PIK3C2A: variants seen among roughly 807,000 people sequenced by gnomAD.
PIK3C2A encodes phosphatidylinositol-4-phosphate 3-kinase catalytic subunit type 2 alpha, also known as phosphatidylinositol 4-phosphate 3-kinase C2 domain-containing subunit alpha.
A neutral mutation model predicts 204.5 loss-of-function variants in PIK3C2A; 97 were observed. The observed-to-expected ratio is 0.47, with a 90% CI of 0.40 to 0.56. The LOEUF (loss-of-function observed/expected upper bound fraction) is 0.56. Ranked by LOEUF, PIK3C2A falls within the 20% of genes least tolerant of loss-of-function variation. PIK3C2A has a pLI of 0.00. For synonymous variants in PIK3C2A, 653 were observed against 664.4 expected (o/e 0.98, Z 0.26); for missense variants, 1,735 against 1,969.2 (o/e 0.88, Z 2.25).
intron 11 of PIK3C2A, among the ~76,000 whole-genome samples, chr11:17,133,530 T>C (rs1849772389): frequency 6.6e-6 from 1 of 152,144 alleles, no homozygotes; most frequent in African/African-American, 2.4e-5. Flanking sequence ...AAAACTTAGG[T>C]TTGATATTTC....
At chr11:17,194,154 G>A in intron 1 of PIK3C2A, 1 of 740,496 alleles carries the variant, frequency 1.4e-6, no homozygotes. Context: ...CCCAAGCTTG[G>A]GAAGCGTGCT....
Position 17,101,699 on chromosome 11 carries a change from G to A in PIK3C2A, c.3852-265C>T, listed in dbSNP as rs1431904116. 9.9e-5 allele frequency among the ~76,000 whole-genome samples: 15 copies of A among 151,542 alleles called. No individual in the cohort carries two copies. In the South Asian group the frequency reaches 2.7e-3, roughly 27 times the overall value. On this transcript the variant is annotated intron_variant, in intron 24 of 32. Transcript: ENST00000691414. ...GCTCACTGCAAGCTCCGCCTCCTGG[G>A]TTCATGACATTCTCCTGCCTCAGCC...
intron 1 of PIK3C2A, among the ~76,000 whole-genome samples, chr11:17,171,968 T>C (rs969587043): frequency 1.3e-5 from 2 of 152,182 alleles, no homozygotes; most frequent in Non-Finnish European, 2.9e-5. Flanking sequence ...GATGGATAAA[T>C]ATGTGATTAG....
intron 1 of PIK3C2A, among the ~76,000 whole-genome samples, chr11:17,175,202 T>C (rs1487683989): frequency 6.6e-6 from 1 of 152,220 alleles, no homozygotes; most frequent in African/African-American, 2.4e-5. Flanking sequence ...ATTTTAATAG[T>C]GAGTATGGGT....
At chr11:17,097,018 A>C in intron 27 of PIK3C2A, 39 bp downstream of exon 27, 3 of 1,131,114 alleles carry the variant, frequency 2.7e-6, no homozygotes, top group Non-Finnish European at 4.0e-6. Context: ...CAACAATAAT[A>C]CATGCATGAT....
chr11:17,188,094 T>C (rs1232646098), intron 1 of PIK3C2A, among the ~76,000 whole-genome samples: 2 of 152,048 alleles, frequency 1.3e-5, no homozygotes, highest in Admixed American at 6.6e-5. Flanking sequence ...TCCTAGCACT[T>C]TGGGAGGCCG....
rs1367042255 is a variant in PIK3C2A, at chr11:17,147,623, T to C, written c.1454A>G (p.His485Arg). 16 of 1,508,550 alleles carry C rather than the reference T, an allele frequency of 1.1e-5. No homozygotes were observed. Among genetic ancestry groups the C allele is most frequent in the Non-Finnish European group, 1.4e-5 (15 of 1,083,966 alleles). 93.4% of individuals were successfully genotyped at this position (1,508,550 alleles called of 1,614,324 possible). Residue 485 changes from histidine (H) to arginine (R), a missense_variant, in exon 6 of 33, where the codon CAT becomes CGT. By Grantham distance (29) the His-to-Arg change is conservative. Around this residue, in one of 6 missense-constraint regions of PIK3C2A, gnomAD observed 13 missense variants for 41.1 expected, o/e 0.32. Transcript: ENST00000691414. Reference sequence around the variant, plus strand: ...AATATGCTCATGACTTCCAAGGCAATGATTACTGTTAAGATATATTAATTA... The same window carrying C: ...AATATGCTCATGACTTCCAAGGCAACGATTACTGTTAAGATATATTAATTA... The part of the protein sequence containing the change: ...CGQEEVLQNN[H>R]CLGSHEHIQN...
At chr11:17,120,302 G>C (rs1465084825) in intron 15 of PIK3C2A, among the ~76,000 whole-genome samples, 2 of 151,604 alleles carry the variant, frequency 1.3e-5, no homozygotes, top group Non-Finnish European at 2.9e-5. Context: ...CACCCTAAGA[G>C]ATAGCAAGGA....
intron 1 of PIK3C2A, among the ~76,000 whole-genome samples, chr11:17,175,952 A>G (rs1351666807): frequency 6.6e-6 from 1 of 152,076 alleles, no homozygotes; most frequent in African/African-American, 2.4e-5. Flanking sequence ...TGTCCCCCCA[A>G]ATGAATATAA....
At chr11:17,199,277 A>C (rs1051926954) in intron 1 of PIK3C2A, among the ~76,000 whole-genome samples, 1 of 152,202 alleles carries the variant, frequency 6.6e-6, no homozygotes, top group Non-Finnish European at 1.5e-5. Context: ...TTTGCTGCTA[A>C]GGGAATGTAA....
chr11:17,202,929 G>A (rs1852439966), intron 1 of PIK3C2A, among the ~76,000 whole-genome samples: 1 of 152,116 alleles, frequency 6.6e-6, no homozygotes. Context: ...CTAACAGAAA[G>A]CCTTATGTTT....
At chr11:17,148,344 G>C (rs1225502288) in intron 5 of PIK3C2A, 1 of 209,748 alleles carries the variant, frequency 4.8e-6, no homozygotes, top group Non-Finnish European at 9.6e-6. Context: ...GAGGAATATA[G>C]TCTATAATGA....
At chr11:17,124,957 G>A (rs180789028) in intron 13 of PIK3C2A, among the ~76,000 whole-genome samples, 2 of 152,234 alleles carry the variant, frequency 1.3e-5, no homozygotes, top group East Asian at 3.9e-4. Flanking sequence ...ATTTGATTCA[G>A]ATTTAGTTCT....
intron 9 of PIK3C2A, among the ~76,000 whole-genome samples, chr11:17,135,719 A>G (rs949654875): frequency 3.5e-5 from 5 of 144,594 alleles, no homozygotes; most frequent in African/African-American, 1.3e-4. Flanking sequence ...GTGTGTGTGT[A>G]TAAGTTTCTA....
chr11:17,135,306 AG>A, intron 9 of PIK3C2A, 147 bp from the exon 10 acceptor site: 1 of 802,610 alleles, frequency 1.2e-6, no homozygotes, highest in Non-Finnish European at 2.0e-6. Context: ...TAATGCAAAA[AG>A]AAAGGGAAAA....
At chr11:17,170,069 A>C (rs556395890) in intron 1 of PIK3C2A, among the ~76,000 whole-genome samples, 6 of 152,302 alleles carry the variant, frequency 3.9e-5, no homozygotes, top group Non-Finnish European at 7.4e-5. Context: ...TGAACTTTAG[A>C]CGCTTTCATT....
intron 1 of PIK3C2A, among the ~76,000 whole-genome samples, chr11:17,171,929 T>C (rs911856112): frequency 6.6e-6 from 1 of 152,196 alleles, no homozygotes; most frequent in African/African-American, 2.4e-5. Context: ...GCATTTTTTT[T>C]AAAAGGTAAA....
intron 1 of PIK3C2A, among the ~76,000 whole-genome samples, chr11:17,188,181 T>C (rs906714645): frequency 6.6e-6 from 1 of 150,960 alleles, no homozygotes; most frequent in Non-Finnish European, 1.5e-5. Flanking sequence ...CTACTAAAAA[T>C]ACAAAAATTA....
chr11:17,183,075 T>C (rs1158202425), intron 1 of PIK3C2A, among the ~76,000 whole-genome samples: 1 of 152,088 alleles, frequency 6.6e-6, no homozygotes, highest in Non-Finnish European at 1.5e-5. Flanking sequence ...AACTCCTAAG[T>C]TCAAGCAATC....
Sources: gnomAD v4.1 joint callset for allele counts (sites outside exome capture counted in the v4.1 genomes callset) on GRCh38, gnomAD v4.1.1 for gene constraint, gnomAD v4.1.1 regional missense constraint, MANE v1.5 for transcripts, NCBI Gene and HGNC (gene_info 2026-07-23, HGNC 2026-07-21) for gene names.